TCF7L2: variants seen among roughly 807,000 people sequenced by gnomAD.
The protein encoded by TCF7L2 is transcription factor 7 like 2.
Under a neutral mutation model 77.9 loss-of-function variants are expected in TCF7L2, and 23 were observed. The ratio of observed to expected loss-of-function variants is 0.30; its 90% CI spans 0.21 to 0.42. The LOEUF is 0.42. Ranked by LOEUF, TCF7L2 falls within the 10% of genes least tolerant of loss-of-function variation. The pLI, the probability that TCF7L2 is intolerant of heterozygous loss-of-function variation, is 1.00. For missense variants in TCF7L2, 654 were observed against 793.1 expected (o/e 0.82, Z 2.11); for synonymous variants, 413 against 340.2 (o/e 1.21, Z -2.36).
chr10:113,030,468 A>G (rs2050028890), intron 4 of TCF7L2, among the ~76,000 whole-genome samples: 1 of 152,196 alleles, frequency 6.6e-6, no homozygotes, highest in Non-Finnish European at 1.5e-5. Context: ...CATGGGTAGT[A>G]ACTAAAACAT....
At chr10:113,129,803 C>T (rs1294153858) in intron 5 of TCF7L2, 1 of 1,286,804 alleles carries the variant, frequency 7.8e-7, no homozygotes, top group Non-Finnish European at 1.0e-6. Context: ...CTGGCCCAGT[C>T]CCATCTCGAA....
intron 5 of TCF7L2, among the ~76,000 whole-genome samples, chr10:113,115,401 T>A (rs1014006750): frequency 6.6e-6 from 1 of 152,224 alleles, no homozygotes; most frequent in Non-Finnish European, 1.5e-5. Context: ...TTTTCCTGAA[T>A]TTTTTCCCTT....
At chr10:113,054,413 A>C (rs1019005352) in intron 5 of TCF7L2, among the ~76,000 whole-genome samples, 12 of 152,198 alleles carry the variant, frequency 7.9e-5, no homozygotes, top group Admixed American at 7.2e-4. Context: ...GATGTTTGGC[A>C]GTTCCCCTTA....
At chr10:112,991,177 G>C (rs73358223) in intron 4 of TCF7L2, among the ~76,000 whole-genome samples, 8 of 152,236 alleles carry the variant, frequency 5.3e-5, no homozygotes, top group African/African-American at 1.2e-4. Flanking sequence ...ATCTTGCTAG[G>C]GGGGTGGAAT....
At chr10:113,084,810 C>T (rs529787921) in intron 5 of TCF7L2, among the ~76,000 whole-genome samples, 4 of 151,800 alleles carry the variant, frequency 2.6e-5, no homozygotes, top group African/African-American at 4.8e-5. Flanking sequence ...TCACAAGAAT[C>T]GCTTGAACCC....
intron 3 of TCF7L2, among the ~76,000 whole-genome samples, 170 bp from the exon 4 acceptor site, chr10:112,964,386 T>C (rs2036014189): frequency 6.6e-6 from 1 of 152,108 alleles, no homozygotes; most frequent in South Asian, 2.1e-4. Flanking sequence ...TACCTTAGAT[T>C]GTTATGATCA....
chr10:113,162,815 C>A (rs1367699424), intron 13 of TCF7L2, among the ~76,000 whole-genome samples: 1 of 152,144 alleles, frequency 6.6e-6, no homozygotes, highest in African/African-American at 2.4e-5. Flanking sequence ...TCAGGAAGAA[C>A]CCTTAGTTTC....
intron 4 of TCF7L2, among the ~76,000 whole-genome samples, chr10:113,021,750 T>C (rs2048298804): frequency 6.6e-6 from 1 of 152,234 alleles, no homozygotes; most frequent in Non-Finnish European, 1.5e-5. Flanking sequence ...GTGTGTGTGT[T>C]CTGGGCATTT....
intron 3 of TCF7L2, among the ~76,000 whole-genome samples, chr10:112,958,111 G>A (rs1430982710): frequency 3.9e-5 from 6 of 152,164 alleles, no homozygotes; most frequent in African/African-American, 1.2e-4. Flanking sequence ...ATCTTTGAAC[G>A]GGTTATCAGC....
At chr10:113,093,269 CTG>C (rs564822670) in intron 5 of TCF7L2, among the ~76,000 whole-genome samples, 142 of 152,206 alleles carry the variant, frequency 9.3e-4, no homozygotes, top group African/African-American at 3.3e-3. Flanking sequence ...ATTAAGGTAA[CTG>C]AGCCAGAGAG....
intron 5 of TCF7L2, among the ~76,000 whole-genome samples, chr10:113,078,572 G>A (rs148269714): frequency 8.5e-4 from 129 of 152,082 alleles, no homozygotes; most frequent in African/African-American, 2.8e-3. Flanking sequence ...CAGAGATGGG[G>A]TCTCACTATA....
intron 5 of TCF7L2, among the ~76,000 whole-genome samples, chr10:113,070,560 C>T (rs1026264591): frequency 1.3e-5 from 2 of 152,086 alleles, no homozygotes; most frequent in Admixed American, 6.5e-5. Context: ...CTGTGCTAGG[C>T]TCTTTAGGTG....
chr10:113,143,880 T>TTC, intron 6 of TCF7L2, 43 bp from the exon 7 acceptor site: 6 of 1,518,154 alleles, frequency 4.0e-6, no homozygotes, highest in Non-Finnish European at 5.5e-6. Context: ...TGCTCTTTCC[T>TTC]TCTCTCCCTC....
intron 4 of TCF7L2, among the ~76,000 whole-genome samples, chr10:113,027,134 G>GTTTTTC (rs2049326626): frequency 6.6e-6 from 1 of 152,182 alleles, no homozygotes; most frequent in South Asian, 2.1e-4. Context: ...AATTCAACTG[G>GTTTTTC]TTTTTCTTTT....
intron 13 of TCF7L2, among the ~76,000 whole-genome samples, chr10:113,163,051 C>T (rs560355211): frequency 1.3e-5 from 2 of 151,972 alleles, no homozygotes; most frequent in Non-Finnish European, 2.9e-5. Context: ...AGTTGCCAAC[C>T]GAGGCATTTT....
At chr10:113,066,887 A>T (rs2057331445) in intron 5 of TCF7L2, among the ~76,000 whole-genome samples, 1 of 152,256 alleles carries the variant, frequency 6.6e-6, no homozygotes, top group Non-Finnish European at 1.5e-5. Context: ...AAACATGTCC[A>T]CATTCCAGTC....
chr10:113,071,591 C>T (rs984376380), intron 5 of TCF7L2, among the ~76,000 whole-genome samples: 12 of 152,192 alleles, frequency 7.9e-5, no homozygotes, highest in African/African-American at 2.4e-4. Flanking sequence ...TTACCTTTTC[C>T]GTTCTGGGCA....
At chr10:113,036,691 T>TC (rs1324766263) in intron 4 of TCF7L2, among the ~76,000 whole-genome samples, 10 of 152,044 alleles carry the variant, frequency 6.6e-5, no homozygotes, top group South Asian at 4.1e-4. Flanking sequence ...TTTCTTTCTT[T>TC]TTTTTTAATG....
intron 4 of TCF7L2, among the ~76,000 whole-genome samples, chr10:113,007,820 G>A (rs1286079171): frequency 6.6e-6 from 1 of 152,348 alleles, no homozygotes; most frequent in East Asian, 1.9e-4. Flanking sequence ...CCCATGGGAT[G>A]AGACTCTGAA....
Sources: allele counts gnomAD v4.1 joint callset (sites outside exome capture counted in the v4.1 genomes callset), GRCh38; gene constraint gnomAD v4.1.1; transcripts MANE v1.5; gene names NCBI Gene and HGNC (gene_info 2026-07-23, HGNC 2026-07-21).